TEX29: variants seen among roughly 807,000 people sequenced by gnomAD.
TEX29 encodes testis-expressed protein 29.
In TEX29, 26 loss-of-function variants were observed where a neutral mutation model predicts 18.2. That is an observed-to-expected ratio of 1.43 (90% CI 1.04 to 1.98). The LOEUF is 1.98. TEX29 is among the 30% of genes most tolerant of loss of function. The pLI, the probability that TEX29 is intolerant of heterozygous loss-of-function variation, is 0.00. For missense variants in TEX29, 177 were observed against 194.2 expected (o/e 0.91, Z 0.53); for synonymous variants, 83 against 78.5 (o/e 1.06, Z -0.31).
chr13:111,320,381 G>A (rs1305040483), upstream of TEX29, among the ~76,000 whole-genome samples: 1 of 152,236 alleles, frequency 6.6e-6, no homozygotes. Flanking sequence ...AAGCACCTGT[G>A]CCCACAGGCT....
At chr13:111,335,924 G>A (rs181769461) in intron 3 of TEX29, among the ~76,000 whole-genome samples, 36 of 152,284 alleles carry the variant, frequency 2.4e-4, no homozygotes, top group African/African-American at 7.0e-4. Context: ...TATCTGTACC[G>A]TGCAGGTGCT....
chr13:111,328,844 C>T (rs1191734023), intron 3 of TEX29, among the ~76,000 whole-genome samples: 1 of 152,118 alleles, frequency 6.6e-6, no homozygotes, highest in African/African-American at 2.4e-5. Context: ...GGACAACAGG[C>T]AACCAGTGGG....
chr13:111,316,773 A>G (rs779518572), upstream of TEX29, among the ~76,000 whole-genome samples: 9 of 152,320 alleles, frequency 5.9e-5, no homozygotes, highest in Non-Finnish European at 8.8e-5. Context: ...TCTGTTTCAC[A>G]CTGCTATAAA....
intron 1 of TEX29, 42 bp downstream of exon 1, chr13:111,320,804 C>G: frequency 1.3e-6 from 2 of 1,566,578 alleles, no homozygotes; most frequent in Non-Finnish European, 1.8e-6. Flanking sequence ...GCCGCCCGCT[C>G]CCCAAACGAC....
At chr13:111,328,917 C>T (rs575558079) in intron 3 of TEX29, among the ~76,000 whole-genome samples, 10 of 152,314 alleles carry the variant, frequency 6.6e-5, no homozygotes, top group East Asian at 5.8e-4. Context: ...GAGGGAGGCG[C>T]GCCCTTCAGA....
rs563570985 is a variant in TEX29, at chr13:111,335,734, A to G, written c.170-4129A>G. 5.3e-5 allele frequency among the ~76,000 whole-genome samples: 8 copies of G among 152,308 alleles called. No individual in the cohort carries two copies. The South Asian group carries it at 1.7e-3, about 32-fold the overall frequency. On this transcript the variant is annotated intron_variant, in intron 3 of 5. Coordinates refer to ENST00000283547, the MANE Select transcript of TEX29 (RefSeq NM_152324.3). ...AAAGGTATTTAAGTTTATTCTTTCA[A>G]TCTTCTCCATATAATGATTAGTGAT...
At chr13:111,331,501 C>G (rs2093682774) in intron 3 of TEX29, among the ~76,000 whole-genome samples, 1 of 152,022 alleles carries the variant, frequency 6.6e-6, no homozygotes. Context: ...CTATTATTCT[C>G]TTACATGTCT....
chr13:111,338,217 G>A (rs1003946464), intron 3 of TEX29, among the ~76,000 whole-genome samples: 1 of 152,172 alleles, frequency 6.6e-6, no homozygotes, highest in East Asian at 1.9e-4. Flanking sequence ...TTAGAAAAAA[G>A]GGTCTTTGCA....
rs866583848 is a variant in TEX29 at position 111,339,776 on chromosome 13, C to T, written c.170-87C>T. On this transcript the variant is annotated intron_variant, in intron 3 of 5. Transcript: ENST00000283547. ...GCAGCCGCGCCGGGAGGGCCCGCAC[C>T]CGACTCTGGGAGGGTTGCCTTTTCT... is the stretch of plus-strand genomic sequence containing the variant. The T allele has an allele frequency of 9.1e-6, 13 of 1,428,610 alleles. No homozygotes were observed. The South Asian group carries it at 1.5e-4, about 16-fold the overall frequency. 88.5% of individuals were successfully genotyped at this position (1,428,610 alleles called of 1,614,324 possible).
intron 2 of TEX29, among the ~76,000 whole-genome samples, chr13:111,326,849 C>T (rs1168976619): frequency 1.3e-5 from 2 of 152,130 alleles, no homozygotes. Context: ...GCGCTGTGTC[C>T]ACCCTGGAAT....
intron 5 of TEX29, 96 bp downstream of exon 5, chr13:111,343,027 A>T: frequency 7.1e-7 from 1 of 1,408,630 alleles, no homozygotes; most frequent in Non-Finnish European, 9.7e-7. Flanking sequence ...ACATCTACAC[A>T]GGCCCTTCAA....
chr13:111,320,776 C>T lies in TEX29; in HGVS notation c.-35+14C>T, dbSNP rs985671205. On this transcript the variant is annotated intron_variant, in intron 1 of 5. Transcript: ENST00000283547. ...TGTGAGGCGCAGGTGAGTCGATGAA[C>T]GCCCCCTCCTGGTGTGAGCCGCCCG... is the stretch of plus-strand genomic sequence containing the variant. The T allele has an allele frequency of 1.5e-5, 19 of 1,282,640 alleles. No homozygotes were observed. Among genetic ancestry groups the T allele is most frequent in the Admixed American group, 8.5e-5 (5 of 58,860 alleles). 79.5% of individuals were successfully genotyped at this position (1,282,640 alleles called of 1,614,324 possible).
At chr13:111,320,969 G>A in intron 2 of TEX29, 21 bp downstream of exon 2, 3 of 1,541,832 alleles carry the variant, frequency 1.9e-6, no homozygotes, top group Non-Finnish European at 1.8e-6. Context: ...AAGGCGCCAG[G>A]GGGGCGGGTG....
At chr13:111,343,013 C>T in intron 5 of TEX29, 82 bp downstream of exon 5, 1 of 1,489,400 alleles carries the variant, frequency 6.7e-7, no homozygotes, top group South Asian at 1.3e-5. Context: ...TGGGAAGGGG[C>T]TCAACATCTA....
upstream of TEX29, among the ~76,000 whole-genome samples, chr13:111,316,443 A>G (rs532095777): frequency 6.6e-6 from 1 of 152,206 alleles, no homozygotes; most frequent in Non-Finnish European, 1.5e-5. Flanking sequence ...AGTTCTGTGC[A>G]CTGTGGGCTG....
intron 2 of TEX29, among the ~76,000 whole-genome samples, chr13:111,324,330 C>T (rs2093669385): frequency 6.6e-6 from 1 of 152,196 alleles, no homozygotes; most frequent in South Asian, 2.1e-4. Flanking sequence ...CCCCTGGAGG[C>T]CAGCCTGATG....
At chr13:111,323,790 G>A (rs1046331543) in intron 2 of TEX29, among the ~76,000 whole-genome samples, 6 of 152,042 alleles carry the variant, frequency 3.9e-5, no homozygotes, top group Admixed American at 2.0e-4. Flanking sequence ...AGGCAGGAAG[G>A]CCACACACAC....
At chr13:111,332,513 C>T (rs1243447748) in intron 3 of TEX29, among the ~76,000 whole-genome samples, 1 of 151,766 alleles carries the variant, frequency 6.6e-6, no homozygotes, top group Non-Finnish European at 1.5e-5. Context: ...AATCTGAATG[C>T]CTTTTAGTTC....
intron 2 of TEX29, among the ~76,000 whole-genome samples, chr13:111,327,204 G>A (rs1334841961): frequency 1.3e-5 from 2 of 152,236 alleles, no homozygotes; most frequent in Admixed American, 1.3e-4. Context: ...CGCCTCGGCA[G>A]GGCTCCCGTG....
Sources: allele counts gnomAD v4.1 joint callset (sites outside exome capture counted in the v4.1 genomes callset), GRCh38; gene constraint gnomAD v4.1.1; transcripts MANE v1.5; gene names NCBI Gene and HGNC (gene_info 2026-07-23, HGNC 2026-07-21).